RGPD2: variants seen among roughly 807,000 people sequenced by gnomAD.
The protein encoded by RGPD2 is RANBP2-like and GRIP domain-containing protein 2.
Under a neutral mutation model 36.0 loss-of-function variants are expected in RGPD2, and 2 were observed. The ratio of observed to expected loss-of-function variants is 0.06; its 90% CI spans 0.02 to 0.17. The LOEUF is 0.17. Among genes scored for constraint, RGPD2 ranks in the 10% least tolerant of loss-of-function variants. The probability of loss-of-function intolerance (pLI) is 1.00; values close to 1 mark genes in which losing one functional copy is unlikely to be tolerated. For synonymous variants in RGPD2, 19 were observed against 163.8 expected (o/e 0.12, Z 6.75); for missense variants, 40 against 464.3 (o/e 0.09, Z 8.40).
chr2:87,924,710 A>C, the RGPD2 span, among the ~76,000 whole-genome samples: 2 of 138,586 alleles, frequency 1.4e-5, no homozygotes, highest in African/African-American at 5.6e-5. Flanking sequence ...CTTCTTAAAC[A>C]ATCACTTGAT....
chr2:87,826,160 T>A (rs374866129), upstream of RGPD2, among the ~76,000 whole-genome samples: 1 of 152,224 alleles, frequency 6.6e-6, no homozygotes, highest in Non-Finnish European at 1.5e-5. Flanking sequence ...GTAAAGACAT[T>A]GTGACTCAGA....
At chr2:87,825,543 C>T (rs1686742020) in intron 1 of RGPD2, 115 bp downstream of exon 1, 2 of 725,232 alleles carry the variant, frequency 2.8e-6, no homozygotes, top group Middle Eastern at 6.5e-4. Flanking sequence ...GAGGCCGAGG[C>T]CGCCGCCCGG....
At chr2:87,882,086 C>G in the RGPD2 span, among the ~76,000 whole-genome samples, 1 of 152,386 alleles carries the variant, frequency 6.6e-6, no homozygotes, top group South Asian at 2.1e-4. Flanking sequence ...AGGGATCTAT[C>G]TCCATGACAT....
chr2:87,866,410 A>G, the RGPD2 span, among the ~76,000 whole-genome samples: 176 of 152,330 alleles, frequency 1.2e-3, 1 homozygote, highest in Non-Finnish European at 2.1e-3. Context: ...GCTGCTCTAC[A>G]CTTGAATTTT....
At chr2:87,940,063 CACA>C in the RGPD2 span, among the ~76,000 whole-genome samples, 23 of 151,874 alleles carry the variant, frequency 1.5e-4, no homozygotes, top group South Asian at 6.2e-4. Context: ...ATAAAGATGG[CACA>C]ACAAGTGTCC....
At chr2:87,897,533 A>G in the RGPD2 span, among the ~76,000 whole-genome samples, 1 of 152,002 alleles carries the variant, frequency 6.6e-6, no homozygotes, top group African/African-American at 2.4e-5. Flanking sequence ...ACATAGGTAA[A>G]CATGTTTCAT....
chr2:87,871,761 A>C, the RGPD2 span, among the ~76,000 whole-genome samples: 828 of 150,508 alleles, frequency 5.5e-3, 1 homozygote, highest in Non-Finnish European at 9.9e-3. Flanking sequence ...GCTACTCGGG[A>C]GGCTGAGGCA....
chr2:87,844,521 G>A, the RGPD2 span, among the ~76,000 whole-genome samples: 4 of 147,476 alleles, frequency 2.7e-5, no homozygotes, highest in East Asian at 2.0e-4. Flanking sequence ...ATTCATGAAG[G>A]TTTTCTTGTT....
the RGPD2 span, among the ~76,000 whole-genome samples, chr2:87,886,428 T>G: frequency 6.6e-6 from 1 of 151,576 alleles, no homozygotes; most frequent in African/African-American, 2.4e-5. Context: ...ACACTAATAC[T>G]ACAATGTAAT....
Position 87,825,650 on chromosome 2 carries a change from C to A in RGPD2, c.72+8G>T. 1 of 1,570,988 alleles carries A rather than the reference C, an allele frequency of 6.4e-7. No homozygotes were observed. The highest frequency in any genetic ancestry group is 8.6e-7 in the Non-Finnish European group (1 of 1,158,916). ...TCGAGGCCGTCGGTCTCTTCGAGATCCACTCACCTTTCCAGGCGACGGGGC... is the reference window on the plus strand; with the variant it reads ...TCGAGGCCGTCGGTCTCTTCGAGATACACTCACCTTTCCAGGCGACGGGGC... On this transcript the variant is annotated splice_region_variant and intron_variant, in intron 1 of 22. Coordinates refer to ENST00000398146, the MANE Select transcript of RGPD2 (RefSeq NM_001078170.3).
chr2:87,854,741 C>T, the RGPD2 span, among the ~76,000 whole-genome samples: 1 of 151,926 alleles, frequency 6.6e-6, no homozygotes, highest in Non-Finnish European at 1.5e-5. Context: ...AAGTATTCTA[C>T]CGTATGAATG....
At chr2:87,985,297 C>G in the RGPD2 span, among the ~76,000 whole-genome samples, 87,061 of 150,092 alleles carry the variant, frequency 0.58, 26,501 homozygotes, top group East Asian at 0.83. Context: ...ACATCCCAAG[C>G]AATATGTGTG....
chr2:87,964,041 G>A, the RGPD2 span, among the ~76,000 whole-genome samples: 2 of 151,618 alleles, frequency 1.3e-5, no homozygotes, highest in Non-Finnish European at 2.9e-5. Context: ...TCACCATGTT[G>A]GACAGGCTGG....
the RGPD2 span, among the ~76,000 whole-genome samples, chr2:87,844,689 A>G: frequency 6.6e-6 from 1 of 151,822 alleles, no homozygotes; most frequent in Admixed American, 6.6e-5. Context: ...TCCATTTCTT[A>G]AGTCTCTCAG....
intron 1 of RGPD2, among the ~76,000 whole-genome samples, chr2:87,824,712 GAGGC>G (rs1686543895): frequency 3.3e-5 from 4 of 120,758 alleles, no homozygotes; most frequent in Admixed American, 1.6e-4. Flanking sequence ...GGCCGAGGCC[GAGGC>G]CGCCGCCGCC....
At chr2:87,983,375 C>A in the RGPD2 span, among the ~76,000 whole-genome samples, 4 of 140,408 alleles carry the variant, frequency 2.8e-5, no homozygotes, top group African/African-American at 5.3e-5. Context: ...AGATTTTTCT[C>A]AAGGAAATTG....
the RGPD2 span, among the ~76,000 whole-genome samples, chr2:87,952,513 AGTATAT>A: frequency 6.6e-6 from 1 of 152,242 alleles, no homozygotes; most frequent in Admixed American, 6.5e-5. Flanking sequence ...ATCTAAGATA[AGTATAT>A]GTAATTTGTA....
chr2:87,878,198 A>G, the RGPD2 span, among the ~76,000 whole-genome samples: 2 of 152,266 alleles, frequency 1.3e-5, no homozygotes, highest in South Asian at 2.1e-4. Context: ...ACATAACCCC[A>G]TATTTCATGC....
At chr2:87,900,503 GCT>G in the RGPD2 span, among the ~76,000 whole-genome samples, 1 of 98,280 alleles carries the variant, frequency 1.0e-5, no homozygotes, top group East Asian at 2.9e-4. Context: ...ACACTAATAT[GCT>G]AGCTTAAATT....
Sources: gnomAD v4.1 joint callset for allele counts (sites outside exome capture counted in the v4.1 genomes callset) on GRCh38, gnomAD v4.1.1 for gene constraint, MANE v1.5 for transcripts, NCBI Gene and HGNC (gene_info 2026-07-23, HGNC 2026-07-21) for gene names.